Variants in KCNIP4 observed in about 807,000 individuals in gnomAD.
KCNIP4 encodes potassium voltage-gated channel interacting protein 4, also known as Kv channel-interacting protein 4.
KCNIP4 carries 12 observed loss-of-function variants against 34.0 expected under a neutral mutation model. The observed-to-expected ratio is 0.35, with a 90% CI of 0.23 to 0.57. The LOEUF (loss-of-function observed/expected upper bound fraction) is 0.57. Among genes scored for constraint, KCNIP4 ranks in the 20% least tolerant of loss-of-function variants. The probability of loss-of-function intolerance (pLI) is 0.83; values close to 1 mark genes in which losing one functional copy is unlikely to be tolerated. For missense variants in KCNIP4, 238 were observed against 311.7 expected (o/e 0.76, Z 1.78); for synonymous variants, 124 against 102.2 (o/e 1.21, Z -1.29).
At chr4:20,837,285 AAGAGGACTT>A (rs2149465995) in intron 3 of KCNIP4, among the ~76,000 whole-genome samples, 1 of 152,294 alleles carries the variant, frequency 6.6e-6, no homozygotes, top group Non-Finnish European at 1.5e-5. Flanking sequence ...ACACAGATTT[AAGAGGACTT>A]AGAGTCTCAC....
intron 3 of KCNIP4, among the ~76,000 whole-genome samples, chr4:20,839,291 G>T (rs1578743880): frequency 6.6e-6 from 1 of 151,882 alleles, no homozygotes; most frequent in Admixed American, 6.6e-5. Flanking sequence ...ATTCCAATTT[G>T]AATAAAGCAT....
At chr4:21,052,955 GGA>G (rs1743053593) in intron 1 of KCNIP4, among the ~76,000 whole-genome samples, 2 of 151,580 alleles carry the variant, frequency 1.3e-5, no homozygotes, top group Admixed American at 1.3e-4. Flanking sequence ...AGTGGAGAGG[GGA>G]GAGAGATGAG....
At chr4:21,184,598 T>C (rs1470499077) in intron 1 of KCNIP4, among the ~76,000 whole-genome samples, 11 of 152,158 alleles carry the variant, frequency 7.2e-5, no homozygotes, top group African/African-American at 2.7e-4. Context: ...GGTGATAGGT[T>C]TGGCACTTTT....
chr4:21,907,129 T>G (rs527564510), intron 1 of KCNIP4, among the ~76,000 whole-genome samples: 42 of 152,140 alleles, frequency 2.8e-4, no homozygotes, highest in South Asian at 6.2e-4. Flanking sequence ...GTTCTTGGAG[T>G]GGCAATGTTG....
intron 4 of KCNIP4, chr4:20,752,545 A>G (rs1753843043): frequency 1.3e-5 from 2 of 152,330 alleles, no homozygotes; most frequent in East Asian, 1.9e-4. Flanking sequence ...TTCACCTTAA[A>G]TAACTTGCTG....
chr4:21,365,477 A>AT (rs1719653030), intron 1 of KCNIP4, among the ~76,000 whole-genome samples: 9 of 133,362 alleles, frequency 6.7e-5, no homozygotes, highest in African/African-American at 1.8e-4. Flanking sequence ...GACTGTCTCA[A>AT]AAAATAAATA....
At chr4:20,739,907 A>G (rs1750638897) in intron 5 of KCNIP4, among the ~76,000 whole-genome samples, 1 of 152,212 alleles carries the variant, frequency 6.6e-6, no homozygotes, top group South Asian at 2.1e-4. Flanking sequence ...AAATGACCTG[A>G]CGGAGCTGAA....
Position 21,075,467 on chromosome 4 carries a change from C to CT in KCNIP4, c.62-192759dup, listed in dbSNP as rs889072867. Among the ~76,000 whole-genome samples, 31 of 151,690 alleles carry CT rather than the reference C, an allele frequency of 2.0e-4. 1 individual carries two copies. Among genetic ancestry groups the CT allele is most frequent in the East Asian group, 9.7e-4 (5 of 5,152 alleles). ...CCGAGACTAGGATTGCAACTCCTGC[C>CT]TTTTTTTTGTTTTCCATTTGCTTGG... On this transcript the variant is annotated intron_variant, in intron 1 of 8. Transcript: ENST00000382152.
chr4:21,650,907 C>T (rs542428941), intron 1 of KCNIP4, among the ~76,000 whole-genome samples: 1 of 152,244 alleles, frequency 6.6e-6, no homozygotes, highest in South Asian at 2.1e-4. Flanking sequence ...TGCTGGTTGT[C>T]AGCATGGGGC....
intron 1 of KCNIP4, among the ~76,000 whole-genome samples, chr4:21,358,894 T>C (rs1198463860): frequency 6.6e-6 from 1 of 152,114 alleles, no homozygotes; most frequent in African/African-American, 2.4e-5. Context: ...TACCTTTGCT[T>C]CGAGTTATCC....
At chr4:21,556,935 A>C (rs868796888) in intron 1 of KCNIP4, among the ~76,000 whole-genome samples, 11 of 149,246 alleles carry the variant, frequency 7.4e-5, no homozygotes, top group South Asian at 4.2e-4. Context: ...AAAAAAAAAA[A>C]AAAAAAAACC....
intron 1 of KCNIP4, among the ~76,000 whole-genome samples, chr4:21,044,532 G>A (rs556114145): frequency 2.6e-5 from 4 of 152,106 alleles, no homozygotes; most frequent in South Asian, 4.1e-4. Flanking sequence ...GGATGGTCTC[G>A]ATCTCTTGAC....
rs190366310 is a variant in KCNIP4 at position 21,072,695 on chromosome 4, G to A, written c.62-189986C>T. Reference sequence around the variant, plus strand: ...TTGGTTTTTGTTGCCATTGCTTTTCGTGTTTTAAACATGAAGTCCTTGCCC... The same window carrying A: ...TTGGTTTTTGTTGCCATTGCTTTTCATGTTTTAAACATGAAGTCCTTGCCC... On this transcript the variant is annotated intron_variant, in intron 1 of 8. Coordinates refer to ENST00000382152, the MANE Select transcript of KCNIP4 (RefSeq NM_025221.6). 3.0e-3 allele frequency among the ~76,000 whole-genome samples: 454 copies of A among 152,104 alleles called. 2 individuals carry two copies. The highest frequency in any genetic ancestry group is 0.01 in the African/African-American group (431 of 41,494).
At chr4:21,262,649 T>G (rs1577983278) in intron 1 of KCNIP4, among the ~76,000 whole-genome samples, 1 of 152,296 alleles carries the variant, frequency 6.6e-6, no homozygotes, top group East Asian at 1.9e-4. Flanking sequence ...TATTTTTTAC[T>G]TCCCTACCAC....
chr4:21,383,751 A>G (rs1024697755), intron 1 of KCNIP4, among the ~76,000 whole-genome samples: 5 of 152,112 alleles, frequency 3.3e-5, no homozygotes, highest in African/African-American at 1.2e-4. Flanking sequence ...CTCTGTCCCT[A>G]CTACGCTGTA....
chr4:21,550,826 A>G (rs1738523900), intron 1 of KCNIP4, among the ~76,000 whole-genome samples: 1 of 152,150 alleles, frequency 6.6e-6, no homozygotes, highest in South Asian at 2.1e-4. Context: ...AAAATTTCAA[A>G]AAAACCACAG....
intron 1 of KCNIP4, among the ~76,000 whole-genome samples, chr4:21,817,789 G>A (rs1440003933): frequency 6.6e-6 from 1 of 152,118 alleles, no homozygotes; most frequent in East Asian, 1.9e-4. Flanking sequence ...GATCAGACTG[G>A]TTCTCTGCTC....
At chr4:21,013,759 T>C (rs1469979635) in intron 1 of KCNIP4, among the ~76,000 whole-genome samples, 1 of 152,154 alleles carries the variant, frequency 6.6e-6, no homozygotes, top group Admixed American at 6.5e-5. Flanking sequence ...GCTTAGAACT[T>C]AAATACAGGA....
intron 1 of KCNIP4, among the ~76,000 whole-genome samples, chr4:21,523,305 TA>T (rs1364482450): frequency 2.0e-5 from 3 of 152,058 alleles, no homozygotes; most frequent in Non-Finnish European, 4.4e-5. Flanking sequence ...ATGAGGTGAT[TA>T]ATTCTATAGG....
Sources: allele counts gnomAD v4.1 joint callset (sites outside exome capture counted in the v4.1 genomes callset), GRCh38; gene constraint gnomAD v4.1.1; transcripts MANE v1.5; gene names NCBI Gene and HGNC (gene_info 2026-07-23, HGNC 2026-07-21).